Variants in MEIS3 observed in about 807,000 individuals in gnomAD.
MEIS3 encodes the protein Meis homeobox 3.
In MEIS3, 38 loss-of-function variants were observed where a neutral mutation model predicts 51.4. That is an observed-to-expected ratio of 0.74 (90% confidence interval 0.57 to 0.97). The LOEUF (loss-of-function observed/expected upper bound fraction) is 0.97. MEIS3 is among the 50% of genes least tolerant of loss of function. The pLI is 0.00. For synonymous variants in MEIS3, 198 were observed against 201.8 expected, an observed-to-expected ratio of 0.98 and a Z score of 0.16; for missense variants, 456 against 502.6, an observed-to-expected ratio of 0.91 and a Z score of 0.89.
At position 47,419,192 on chromosome 19, in the gene MEIS3, G is replaced by T; in HGVS notation, c.-111C>A. 1 of 789,650 alleles carries T rather than the reference G, an allele frequency of 1.3e-6. No homozygotes were observed. The highest frequency in any genetic ancestry group is 1.7e-6 in the Non-Finnish European group (1 of 588,352). The allele number at this position is 789,650 out of a possible 1,614,324, so 48.9% of individuals were successfully genotyped here. A position where few individuals can be genotyped will look rare whatever the true frequency, so the allele number is the denominator to read the frequency against. Reference sequence around the variant, plus strand: ...CCGCGGTGTTGACGCCAGGGGGTGGGCAGGAGGCCAGGCGCGCGCCCCCCC... The same window carrying T: ...CCGCGGTGTTGACGCCAGGGGGTGGTCAGGAGGCCAGGCGCGCGCCCCCCC... On this transcript the variant is annotated 5_prime_UTR_variant, in exon 1 of 13. Transcript: ENST00000558555.
intron 5 of MEIS3, 59 bp from the exon 6 acceptor site, chr19:47,414,925 A>G: frequency 1.4e-6 from 1 of 725,748 alleles, no homozygotes; most frequent in South Asian, 1.8e-5. Flanking sequence ...GGGGGTGCTC[A>G]GGGACGGGGG....
rs150237867 is a variant in MEIS3 at position 47,406,815 on chromosome 19, A to G, written c.1078+73T>C. 2.1e-5 allele frequency: 28 copies of G among 1,332,372 alleles called. No individual in the cohort carries two copies. In the East Asian group the frequency reaches 7.1e-4, roughly 34 times the overall value. 82.5% of individuals were successfully genotyped at this position (1,332,372 alleles called of 1,614,324 possible). ...CTGTATTCCGCTTGAATTGAATCTC[A>G]GGTGGGCATCTTTGTTTTACAGGTG... is the stretch of plus-strand genomic sequence containing the variant. On this transcript the variant is annotated intron_variant, in intron 11 of 12. Coordinates refer to ENST00000558555, the MANE Select transcript of MEIS3 (RefSeq NM_001301059.2).
At chr19:47,419,921 C>A (rs138289288), upstream of MEIS3, among the ~76,000 whole-genome samples, 1,051 of 152,254 alleles carry the variant, frequency 6.9e-3, 20 homozygotes, top group African/African-American at 0.023. Context: ...TCTGGTCCCA[C>A]CGTAGGCTCT....
chr19:47,416,917 G>T lies in MEIS3; in HGVS notation c.232C>A (p.Leu78Met). 6 of 1,610,910 alleles carry T rather than the reference G, an allele frequency of 3.7e-6. No individual in the cohort carries two copies. The highest frequency in any genetic ancestry group is 5.1e-6 in the Non-Finnish European group (6 of 1,178,592). ...CCGTCACGGGGAGAGCATGTAGCCAGTTCACATTTCTCAAAGACCAGGGCC... is the reference window on the plus strand; with the variant it reads ...CCGTCACGGGGAGAGCATGTAGCCATTTCACATTTCTCAAAGACCAGGGCC... ...LLALVFEKCE[L>M]ATCSPRDGAG... The change falls in exon 3 of 13, where the codon CTG (leucine) becomes ATG (methionine). Residue 78 changes from leucine (L) to methionine (M), a missense_variant. Physicochemically the swap from Leu to Met is conservative, Grantham distance 15 (BLOSUM62 2). Transcript: ENST00000558555.
At position 47,417,234 on chromosome 19, in the gene MEIS3, G is replaced by A; in HGVS notation, c.129C>T (p.Pro43=). 1 of 1,601,402 alleles carries A rather than the reference G, an allele frequency of 6.2e-7. No individual in the cohort carries two copies. The part of the protein sequence containing the change: ...GPYGPHRPPQ[P]LPPGLDSDGL... Reference sequence around the variant, plus strand: ...CGTCGCTGTCCAAGCCTGGGGGCAGGGGCTGGGGAGGCCGGTGCGGGCCAT... The same window carrying A: ...CGTCGCTGTCCAAGCCTGGGGGCAGAGGCTGGGGAGGCCGGTGCGGGCCAT... The change falls in exon 2 of 13, where the codon CCC becomes CCT. Residue 43 remains proline (P), a synonymous_variant. Coordinates refer to ENST00000558555, the MANE Select transcript of MEIS3 (RefSeq NM_001301059.2).
At chr19:47,420,694 T>G (rs1381399223), upstream of MEIS3, among the ~76,000 whole-genome samples, 1 of 150,738 alleles carries the variant, frequency 6.6e-6, no homozygotes, top group Admixed American at 6.6e-5. Context: ...CTCTGAAGCA[T>G]AAATCTTTCT....
chr19:47,407,229 G>T lies in MEIS3; in HGVS notation c.936-92C>A, dbSNP rs1474241338. 7 of 1,497,212 alleles carry T rather than the reference G, an allele frequency of 4.7e-6. No individual in the cohort carries two copies. In the East Asian group the frequency reaches 9.7e-5, roughly 21 times the overall value. The allele number at this position is 1,497,212 out of a possible 1,614,324, so 92.7% of individuals were successfully genotyped here. On this transcript the variant is annotated intron_variant, in intron 9 of 12. Transcript: ENST00000558555. Reference sequence around the variant, plus strand: ...CAGAGCGGGCCGGAGGACAGCGGCGGGGGAGGCAGAGCGGGGCGAGCAGGG... The same window carrying T: ...CAGAGCGGGCCGGAGGACAGCGGCGTGGGAGGCAGAGCGGGGCGAGCAGGG...
At chr19:47,407,888 A>C (rs1006820303) in intron 8 of MEIS3, among the ~76,000 whole-genome samples, 11 of 151,624 alleles carry the variant, frequency 7.3e-5, no homozygotes, top group African/African-American at 2.7e-4. Context: ...GCTCACCGCA[A>C]ACTCCGCCTC....
At chr19:47,417,894 A>T in intron 1 of MEIS3, 2 of 585,840 alleles carry the variant, frequency 3.4e-6, no homozygotes, top group Non-Finnish European at 6.0e-6. Context: ...GTGCACACTC[A>T]TGTGTCAGTC....
At chr19:47,421,756 T>C (rs910431331), upstream of MEIS3, among the ~76,000 whole-genome samples, 18 of 151,882 alleles carry the variant, frequency 1.2e-4, no homozygotes, top group African/African-American at 4.3e-4. Context: ...CTTTTTTTTT[T>C]TTTCTTGTAT....
intron 9 of MEIS3, 93 bp downstream of exon 9, chr19:47,407,259 T>C: frequency 6.6e-7 from 1 of 1,504,872 alleles, no homozygotes; most frequent in Non-Finnish European, 9.0e-7. Flanking sequence ...GCAGGGGCAG[T>C]GGCTCTGCGG....
intron 8 of MEIS3, 133 bp downstream of exon 8, chr19:47,408,966 C>A: frequency 9.8e-7 from 1 of 1,019,682 alleles, no homozygotes; most frequent in Non-Finnish European, 1.5e-6. Flanking sequence ...CAATTCTCCA[C>A]CTCCATGAGA....
upstream of MEIS3, among the ~76,000 whole-genome samples, chr19:47,420,932 A>ACTCTCTCTCTCTCT (rs1404620215): frequency 9.1e-6 from 1 of 109,700 alleles, no homozygotes; most frequent in African/African-American, 4.7e-5. Flanking sequence ...ACACACACAC[A>ACTCTCTCTCTCTCT]CACACACACT....
rs766622002 is a variant in MEIS3, at chr19:47,417,492, AG to A, written c.13-143del. 6.6e-6 allele frequency: 7 copies of A among 1,059,000 alleles called. No individual in the cohort carries two copies. In the East Asian group the frequency reaches 1.3e-4, roughly 20 times the overall value. 65.6% of individuals were successfully genotyped at this position (1,059,000 alleles called of 1,614,324 possible). ...CCTGCCTGTGGTCCCCAGGTGTCTG[AG>A]CCCCCAAGCTTGAAGCCCTCCAGGT... On this transcript the variant is annotated intron_variant, in intron 1 of 12. Transcript: ENST00000558555.
intron 2 of MEIS3, 70 bp downstream of exon 2, chr19:47,417,108 A>C: frequency 6.5e-7 from 1 of 1,539,750 alleles, no homozygotes; most frequent in South Asian, 1.3e-5. Context: ...AGACAGAAGC[A>C]GACCCAGGGA....
upstream of MEIS3, among the ~76,000 whole-genome samples, chr19:47,421,723 GTGTC>G (rs143641774): frequency 3.7e-4 from 55 of 149,170 alleles, no homozygotes; most frequent in Non-Finnish European, 6.8e-4. Context: ...CACCTGGGCT[GTGTC>G]TGTCTGTCTG....
At chr19:47,409,870 A>G (rs950591519) in intron 6 of MEIS3, among the ~76,000 whole-genome samples, 2 of 151,640 alleles carry the variant, frequency 1.3e-5, no homozygotes, top group Non-Finnish European at 2.9e-5. Context: ...GTCAAAAAAA[A>G]AAAAAAAGTT....
rs966107556 is a variant in MEIS3 at position 47,403,495 on chromosome 19, A to G, written c.*76T>C. Reference sequence around the variant, plus strand: ...TTTGGAGGTGGGGTCCTGAAGCTGGAGGACCAGGCGGGAACCAGAGGCAGG... The same window carrying G: ...TTTGGAGGTGGGGTCCTGAAGCTGGGGGACCAGGCGGGAACCAGAGGCAGG... On this transcript the variant is annotated 3_prime_UTR_variant, in exon 13 of 13. Coordinates refer to ENST00000558555, the MANE Select transcript of MEIS3 (RefSeq NM_001301059.2). The G allele has an allele frequency of 1.3e-5, 6 of 456,004 alleles. No homozygotes were observed. Among genetic ancestry groups the G allele is most frequent in the African/African-American group, 1.2e-4 (6 of 50,064 alleles). The allele number at this position is 456,004 out of a possible 1,614,324, so 28.2% of individuals were successfully genotyped here.
At chr19:47,403,978 G>A (rs943213061) in intron 12 of MEIS3, among the ~76,000 whole-genome samples, 1 of 152,208 alleles carries the variant, frequency 6.6e-6, no homozygotes, top group Middle Eastern at 3.4e-3. Context: ...GAGGCAGGGG[G>A]ATCGCTTGAG....
Sources: allele counts gnomAD v4.1 joint callset (sites outside exome capture counted in the v4.1 genomes callset), GRCh38; gene constraint gnomAD v4.1.1; transcripts MANE v1.5; gene names NCBI Gene and HGNC (gene_info 2026-07-23, HGNC 2026-07-21).